IQGAP3: variants seen among roughly 807,000 people sequenced by gnomAD.
IQGAP3 encodes the protein IQ motif containing GTPase activating protein 3.
A neutral mutation model predicts 208.2 loss-of-function variants in IQGAP3; 165 were observed. The observed-to-expected ratio is 0.79, with a 90% CI of 0.70 to 0.90. The LOEUF (loss-of-function observed/expected upper bound fraction) is 0.90, where lower values mean the gene tolerates loss of function less well. Ranked by LOEUF, IQGAP3 falls within the 40% of genes least tolerant of loss-of-function variation. IQGAP3 has a pLI of 0.00. For synonymous variants in IQGAP3, 703 were observed against 803.6 expected, an observed-to-expected ratio of 0.87 and a Z score of 2.12; for missense variants, 1,811 against 2,043.1, an observed-to-expected ratio of 0.89 and a Z score of 2.19.
At chr1:156,539,181 T>A in intron 25 of IQGAP3, 148 bp from the exon 26 acceptor site, 1 of 844,770 alleles carries the variant, frequency 1.2e-6, no homozygotes, top group Non-Finnish European at 1.9e-6. Context: ...TCCTTTGTGT[T>A]AGCATGTCAG....
Position 156,528,608 on chromosome 1 carries a change from C to G in IQGAP3, c.4574G>C (p.Ser1525Thr), listed in dbSNP as rs534306897. The change falls in exon 36 of 38, where the codon AGT becomes ACT. Residue 1525 changes from serine to threonine, a missense_variant and splice_region_variant. Ser to Thr is a moderately conservative substitution (Grantham distance 58). Coordinates refer to ENST00000361170, the MANE Select transcript of IQGAP3 (RefSeq NM_178229.5). Reference protein sequence around the residue: ...CLDHLAPDSKSSGKGKKQPSL... With the variant: ...CLDHLAPDSKTSGKGKKQPSL... ...AGGCTGCTTCTTCCCCTTCCCAGAA[C>G]TCCTGATTAAAAGAAGGCCCCAGAG... 1.9e-6 allele frequency: 3 copies of G among 1,611,004 alleles called. No individual in the cohort carries two copies. The African/African-American group carries it at 4.0e-5, about 22-fold the overall frequency.
intron 15 of IQGAP3, among the ~76,000 whole-genome samples, chr1:156,550,740 A>G (rs573422551): frequency 9.2e-5 from 14 of 151,356 alleles, no homozygotes; most frequent in Non-Finnish European, 1.9e-4. Flanking sequence ...CCCACGCCCC[A>G]CTCCCCTATG....
chr1:156,562,935 C>T (rs906142309), intron 8 of IQGAP3, among the ~76,000 whole-genome samples, 199 bp downstream of exon 8: 2 of 152,214 alleles, frequency 1.3e-5, no homozygotes, highest in African/African-American at 2.4e-5. Flanking sequence ...CCCCAAGAAC[C>T]TCTTCTCCAG....
At chr1:156,537,370 CT>C (rs1557923240) in intron 26 of IQGAP3, 49 bp from the exon 27 acceptor site, 2 of 1,554,222 alleles carry the variant, frequency 1.3e-6, no homozygotes, top group Non-Finnish European at 1.7e-6. Context: ...CTCCAATGGC[CT>C]CCTTCCCCAA....
In IQGAP3 at chr1:156,563,133, C is replaced by T; in HGVS notation, c.798+1G>A. On this transcript the variant is annotated splice_donor_variant, in intron 8 of 37. Coordinates refer to ENST00000361170, the MANE Select transcript of IQGAP3 (RefSeq NM_178229.5). LOFTEE classifies it high-confidence loss of function. ...CCCTGCAACCCAAGACTACTCCTTA[C>T]ATGGTTCCTGGCATTGGCTGCCTTC... 7 of 1,590,752 alleles carry T rather than the reference C, an allele frequency of 4.4e-6. No homozygotes were observed. The highest frequency in any genetic ancestry group is 6.0e-6 in the Non-Finnish European group (7 of 1,164,804).
chr1:156,562,821 C>A (rs1676220944), intron 8 of IQGAP3, among the ~76,000 whole-genome samples, 156 bp from the exon 9 acceptor site: 1 of 152,216 alleles, frequency 6.6e-6, no homozygotes, highest in African/African-American at 2.4e-5. Flanking sequence ...GTCTAAAACA[C>A]TTGGCACTGA....
At position 156,539,036 on chromosome 1, in the gene IQGAP3, G is replaced by A. The variant is rs1674851727; in HGVS notation, c.3057-3C>T. 1.2e-6 allele frequency: 2 copies of A among 1,610,922 alleles called. No homozygotes were observed. Among genetic ancestry groups the A allele is most frequent in the Admixed American group, 1.7e-5 (1 of 59,806 alleles). On this transcript the variant is annotated splice_region_variant and splice_polypyrimidine_tract_variant and intron_variant, in intron 25 of 37. Coordinates refer to ENST00000361170, the MANE Select transcript of IQGAP3 (RefSeq NM_178229.5). ...CCTGGGGCTGCTCCACCTTTGACCT[G>A]TGGTTTAAGAGGTCATTGAAACCAG...
At chr1:156,562,995 C>G in intron 8 of IQGAP3, 139 bp downstream of exon 8, 1 of 764,508 alleles carries the variant, frequency 1.3e-6, no homozygotes, top group Non-Finnish European at 2.2e-6. Flanking sequence ...TCCTATTTCT[C>G]TAAAATCACT....
At position 156,563,665 on chromosome 1, in the gene IQGAP3, A is replaced by T. The variant is rs751267615; in HGVS notation, c.507T>A (p.Ala169=). The change falls in exon 7 of 38, where the codon GCT becomes GCA. Residue 169 remains alanine (A), a splice_region_variant and synonymous_variant. Coordinates refer to ENST00000361170, the MANE Select transcript of IQGAP3 (RefSeq NM_178229.5). The stretch of plus-strand genomic sequence containing the variant: ...CGGACGCCATGTTGCTGAGTTCCTC[A>T]GCTGCAATGATGCCACAGGTGCCCT... The part of the protein sequence containing the change: ...HDLYGKVKFT[A]EELSNMASEL... 5 of 1,612,070 alleles carry T rather than the reference A, an allele frequency of 3.1e-6. No homozygotes were observed. The African/African-American group carries it at 6.7e-5, about 22-fold the overall frequency.
chr1:156,567,309 G>A (rs1205518837), intron 2 of IQGAP3, among the ~76,000 whole-genome samples: 1 of 152,178 alleles, frequency 6.6e-6, no homozygotes, highest in Non-Finnish European at 1.5e-5. Flanking sequence ...ATGATGATGA[G>A]AGTAGTGGGG....
chr1:156,531,165 C>T lies in IQGAP3; in HGVS notation c.4186G>A (p.Glu1396Lys). The T allele has an allele frequency of 1.2e-6, 2 of 1,612,450 alleles. No homozygotes were observed. The highest frequency in any genetic ancestry group is 1.7e-6 in the Non-Finnish European group (2 of 1,178,554). Residue 1396 changes from glutamate (E) to lysine (K), a missense_variant, in exon 33 of 38, where the codon GAG becomes AAG. By Grantham distance (56) the Glu-to-Lys change is moderately conservative. Coordinates refer to ENST00000361170, the MANE Select transcript of IQGAP3 (RefSeq NM_178229.5). The stretch of plus-strand genomic sequence containing the variant: ...GGGCCAGCCCGGCTACTCACTTGCT[C>T]TCTGGAAGCCGAGAGGGACAGGATC... ...KEILSLSASR[E>K]QEAAHKQLMS...
intron 2 of IQGAP3, 48 bp downstream of exon 2, chr1:156,569,328 G>T (rs767905516): frequency 2.4e-6 from 3 of 1,231,280 alleles, no homozygotes; most frequent in Non-Finnish European, 3.6e-6. Context: ...AGGGTGGGGT[G>T]GTAGAAAGGG....
chr1:156,557,570 T>G (rs1286690507), intron 11 of IQGAP3, among the ~76,000 whole-genome samples: 135 of 52,550 alleles, frequency 2.6e-3, no homozygotes, highest in African/African-American at 6.6e-3. Flanking sequence ...GGTGGGGGGG[T>G]CAGCCCCCCG....
intron 12 of IQGAP3, 70 bp from the exon 13 acceptor site, chr1:156,554,462 C>T (rs1675730672): frequency 4.2e-6 from 6 of 1,436,792 alleles, no homozygotes; most frequent in East Asian, 4.8e-5. Context: ...CACCATCCTG[C>T]CCCCAAGGTT....
chr1:156,531,911 CT>C (rs1220062758), intron 32 of IQGAP3, among the ~76,000 whole-genome samples: 1 of 152,126 alleles, frequency 6.6e-6, no homozygotes, highest in Non-Finnish European at 1.5e-5. Context: ...GGCCAGCTCA[CT>C]TGTTTATTGA....
intron 26 of IQGAP3, among the ~76,000 whole-genome samples, chr1:156,538,340 G>A (rs1365325529): frequency 2.6e-5 from 4 of 152,186 alleles, no homozygotes; most frequent in African/African-American, 4.8e-5. Context: ...GATTACAGGC[G>A]TGAGCCACCA....
intron 26 of IQGAP3, among the ~76,000 whole-genome samples, chr1:156,537,653 G>A (rs1674757440): frequency 6.6e-6 from 1 of 152,120 alleles, no homozygotes; most frequent in Non-Finnish European, 1.5e-5. Flanking sequence ...ATAATGGAGA[G>A]GCTGGGCCAG....
chr1:156,539,636 G>T, intron 24 of IQGAP3, 99 bp from the exon 25 acceptor site: 1 of 1,348,278 alleles, frequency 7.4e-7, no homozygotes, highest in South Asian at 1.3e-5. Context: ...CTGGAATGGA[G>T]AAAGCACTAC....
intron 16 of IQGAP3, among the ~76,000 whole-genome samples, chr1:156,549,683 C>T: frequency 6.6e-6 from 1 of 152,108 alleles, no homozygotes; most frequent in Middle Eastern, 3.4e-3. Flanking sequence ...GACCCTGGGA[C>T]AGTTTCTTAG....
Sources: gnomAD v4.1 joint callset for allele counts (sites outside exome capture counted in the v4.1 genomes callset) on GRCh38, gnomAD v4.1.1 for gene constraint, MANE v1.5 for transcripts, NCBI Gene and HGNC (gene_info 2026-07-23, HGNC 2026-07-21) for gene names.